Variants in PRKG1 observed in about 807,000 individuals in gnomAD.
The protein encoded by PRKG1 is protein kinase cGMP-dependent 1.
In PRKG1, 35 loss-of-function variants were observed where a neutral mutation model predicts 88.1. The observed-to-expected ratio is 0.40, with a 90% confidence interval of 0.30 to 0.53. PRKG1 has a LOEUF of 0.53. PRKG1 is among the 20% of genes least tolerant of loss of function. PRKG1 has a pLI of 0.59. For synonymous variants in PRKG1, 303 were observed against 292.5 expected, an observed-to-expected ratio of 1.04 and a Z score of -0.37; for missense variants, 540 against 839.8, an observed-to-expected ratio of 0.64 and a Z score of 4.41.
intron 2 of PRKG1, among the ~76,000 whole-genome samples, chr10:51,178,485 A>C (rs1837256780): frequency 6.6e-6 from 1 of 152,042 alleles, no homozygotes; most frequent in Admixed American, 6.6e-5. Context: ...AAAATACAAA[A>C]AATTAGCCAG....
At position 51,848,738 on chromosome 10, in the gene PRKG1, C is replaced by T. The variant is rs111635638; in HGVS notation, c.698+44048C>T. Among the ~76,000 whole-genome samples the T allele has an allele frequency of 5.4e-3, 825 of 151,820 alleles. 9 individuals are homozygous for T. The highest frequency in any genetic ancestry group is 0.019 in the African/African-American group (806 of 41,396). On this transcript the variant is annotated intron_variant, in intron 4 of 17. Coordinates refer to ENST00000373980, the MANE Select transcript of PRKG1 (RefSeq NM_006258.4). The stretch of plus-strand genomic sequence containing the variant: ...CCCAGGCTGGTCTTGAACTTGTGGC[C>T]TCAAGTGATCTTCCTGACTCAGTCT...
intron 2 of PRKG1, among the ~76,000 whole-genome samples, chr10:51,385,073 T>C (rs1175948558): frequency 2.6e-5 from 4 of 152,230 alleles, no homozygotes; most frequent in African/African-American, 9.6e-5. Flanking sequence ...CTAATGGATG[T>C]TTTCATTAGT....
At chr10:52,269,536 C>T (rs957494864) in intron 10 of PRKG1, among the ~76,000 whole-genome samples, 15 of 152,080 alleles carry the variant, frequency 9.9e-5, no homozygotes, top group Admixed American at 9.2e-4. Flanking sequence ...AGATTGAACT[C>T]AATCTGTACA....
chr10:51,971,841 T>C (rs1189874220), intron 5 of PRKG1, among the ~76,000 whole-genome samples: 1 of 152,178 alleles, frequency 6.6e-6, no homozygotes, highest in Non-Finnish European at 1.5e-5. Flanking sequence ...ATATTTGCTA[T>C]TAAAATGAAC....
intron 9 of PRKG1, among the ~76,000 whole-genome samples, chr10:52,164,045 C>G (rs1026089281): frequency 6.6e-6 from 1 of 151,974 alleles, no homozygotes; most frequent in Non-Finnish European, 1.5e-5. Flanking sequence ...TGTAAAAATA[C>G]TTTGTAAATT....
intron 2 of PRKG1, among the ~76,000 whole-genome samples, chr10:51,194,755 T>A (rs534855559): frequency 6.6e-6 from 1 of 152,270 alleles, no homozygotes; most frequent in African/African-American, 2.4e-5. Context: ...TTCTAGAGGC[T>A]GAGAAGTCAA....
chr10:51,153,450 T>C, intron 2 of PRKG1, 120 bp downstream of exon 2: 1 of 1,020,440 alleles, frequency 9.8e-7, no homozygotes. Context: ...ATTGAGAAAT[T>C]AGTTTGAGAA....
At chr10:51,395,911 T>G (rs1306737904) in intron 2 of PRKG1, among the ~76,000 whole-genome samples, 1 of 152,230 alleles carries the variant, frequency 6.6e-6, no homozygotes, top group Non-Finnish European at 1.5e-5. Context: ...TCCTGTCTAT[T>G]CTACCAAGTT....
chr10:51,042,860 T>C (rs184674087), intron 1 of PRKG1, among the ~76,000 whole-genome samples: 1 of 152,210 alleles, frequency 6.6e-6, no homozygotes, highest in East Asian at 1.9e-4. Context: ...AATACCCTTA[T>C]AAAAGAGATC....
chr10:51,204,622 A>G (rs1838000230), intron 2 of PRKG1, among the ~76,000 whole-genome samples: 1 of 152,216 alleles, frequency 6.6e-6, no homozygotes, highest in Middle Eastern at 3.4e-3. Context: ...AAACCTGTGG[A>G]TATTACGGAT....
intron 4 of PRKG1, among the ~76,000 whole-genome samples, chr10:51,842,476 T>C (rs1486364277): frequency 6.6e-6 from 1 of 152,172 alleles, no homozygotes; most frequent in Non-Finnish European, 1.5e-5. Flanking sequence ...TTTCAGCTAC[T>C]TTTTTCCTTC....
At chr10:51,614,963 C>T (rs1839007918) in intron 3 of PRKG1, among the ~76,000 whole-genome samples, 1 of 146,350 alleles carries the variant, frequency 6.8e-6, no homozygotes, top group Non-Finnish European at 1.5e-5. Context: ...TTGAATATAT[C>T]CATCTTTGAA....
At chr10:51,554,047 C>T (rs1021208073) in intron 3 of PRKG1, among the ~76,000 whole-genome samples, 4 of 115,176 alleles carry the variant, frequency 3.5e-5, no homozygotes, top group Admixed American at 9.0e-5. Context: ...ATTATATGTG[C>T]GTATGTGATA....
chr10:52,174,113 A>AT (rs1394988850), intron 9 of PRKG1, among the ~76,000 whole-genome samples: 2 of 151,412 alleles, frequency 1.3e-5, no homozygotes, highest in Non-Finnish European at 3.0e-5. Flanking sequence ...TTTTTAATTT[A>AT]TTTTTTATTT....
rs1842331442 is a variant in PRKG1 at position 52,294,049 on chromosome 10, A to C, written c.*149A>C. ...CTGCTCCAGTAACTACAGTGGCATT[A>C]GGACTTACCGCTTAGATGACAATAG... is the stretch of plus-strand genomic sequence containing the variant. On this transcript the variant is annotated 3_prime_UTR_variant, in exon 18 of 18. Coordinates refer to ENST00000373980, the MANE Select transcript of PRKG1 (RefSeq NM_006258.4). 1 of 610,002 alleles carries C rather than the reference A, an allele frequency of 1.6e-6. No individual in the cohort carries two copies. Among genetic ancestry groups the C allele is most frequent in the South Asian group, 2.3e-5 (1 of 44,138 alleles). 37.8% of individuals were successfully genotyped at this position (610,002 alleles called of 1,614,324 possible).
chr10:51,225,476 G>A (rs1392440477), intron 2 of PRKG1, among the ~76,000 whole-genome samples: 1 of 152,096 alleles, frequency 6.6e-6, no homozygotes, highest in African/African-American at 2.4e-5. Context: ...GGTCTACCAG[G>A]AACCCATATT....
At chr10:51,846,198 T>C (rs999694727) in intron 4 of PRKG1, among the ~76,000 whole-genome samples, 4 of 152,136 alleles carry the variant, frequency 2.6e-5, no homozygotes, top group Non-Finnish European at 1.5e-5. Flanking sequence ...TAGGTTGTGG[T>C]TCTCCATCCC....
chr10:51,697,778 A>G (rs2132405802), intron 3 of PRKG1: 23 of 1,614,172 alleles, frequency 1.4e-5, no homozygotes, highest in Non-Finnish European at 1.9e-5. Context: ...CAGCATGGCA[A>G]TCTGATCTGC....
chr10:51,622,498 C>A (rs1387368597), intron 3 of PRKG1, among the ~76,000 whole-genome samples: 2 of 152,222 alleles, frequency 1.3e-5, no homozygotes, highest in Admixed American at 1.3e-4. Flanking sequence ...GTCACCCAAA[C>A]TTTCTGCTTT....
Sources: gnomAD v4.1 joint callset for allele counts (sites outside exome capture counted in the v4.1 genomes callset) on GRCh38, gnomAD v4.1.1 for gene constraint, MANE v1.5 for transcripts, NCBI Gene and HGNC (gene_info 2026-07-23, HGNC 2026-07-21) for gene names.